Variants in SPECC1L observed in about 807,000 individuals in gnomAD.
The protein encoded by SPECC1L is cytospin-A.
In SPECC1L, 40 loss-of-function variants were observed where a neutral mutation model predicts 116.8. That is an observed-to-expected ratio of 0.34 (90% confidence interval 0.27 to 0.45). SPECC1L has a LOEUF of 0.45. Among genes scored for constraint, SPECC1L ranks in the 20% least tolerant of loss-of-function variants. The pLI is 1.00. For missense variants in SPECC1L, 1,110 were observed against 1,373.6 expected (o/e 0.81, Z 3.03); for synonymous variants, 504 against 500.6 (o/e 1.01, Z -0.09).
intron 2 of SPECC1L, among the ~76,000 whole-genome samples, chr22:24,281,890 G>A (rs999735016): frequency 1.3e-5 from 2 of 152,210 alleles, no homozygotes; most frequent in African/African-American, 4.8e-5. Flanking sequence ...TCATCAAGAC[G>A]GGAATTGTAA....
rs564772813 is a variant in SPECC1L at position 24,313,688 on chromosome 22, G to T, written c.307+222G>T. Among the ~76,000 whole-genome samples the T allele has an allele frequency of 1.3e-4, 20 of 151,456 alleles. No homozygotes were observed. In the South Asian group the frequency reaches 2.5e-3, roughly 19 times the overall value. On this transcript the variant is annotated intron_variant, in intron 4 of 16. Coordinates refer to ENST00000314328, the MANE Select transcript of SPECC1L (RefSeq NM_015330.6). The stretch of plus-strand genomic sequence containing the variant: ...TCTTATTATTTTGAAGCAGATTCTG[G>T]ACATCATATCATTTCATCCATAAAT...
intron 2 of SPECC1L, among the ~76,000 whole-genome samples, chr22:24,297,554 A>T (rs2049291981): frequency 6.6e-6 from 1 of 152,180 alleles, no homozygotes; most frequent in African/African-American, 2.4e-5. Flanking sequence ...TGATTGTGTC[A>T]TGCGCATCCT....
At position 24,384,909 on chromosome 22, in the gene SPECC1L, A is replaced by T. The variant is rs146702860; in HGVS notation, c.3087+15589A>T. 7.7e-3 allele frequency among the ~76,000 whole-genome samples: 1,164 copies of T among 152,040 alleles called. 14 individuals are homozygous for T. The highest frequency in any genetic ancestry group is 0.026 in the African/African-American group (1,081 of 41,482). On this transcript the variant is annotated intron_variant, in intron 14 of 16. Coordinates refer to ENST00000314328, the MANE Select transcript of SPECC1L (RefSeq NM_015330.6). ...GGCTAACATAGTGAAACCCCGTCTC[A>T]ACTAAAAATACAAAAAATTAGGTGG...
intron 4 of SPECC1L, among the ~76,000 whole-genome samples, chr22:24,317,343 C>T (rs1427004137): frequency 2.8e-5 from 3 of 105,340 alleles, no homozygotes; most frequent in African/African-American, 6.8e-5. Context: ...CCGGACGGGG[C>T]GGCTGGCCGG....
At chr22:24,334,722 G>T in intron 9 of SPECC1L, 149 bp downstream of exon 9, 1 of 880,672 alleles carries the variant, frequency 1.1e-6, no homozygotes, top group Non-Finnish European at 1.8e-6. Flanking sequence ...AACAGAAGGT[G>T]ATATTTAATA....
At chr22:24,338,133 G>A (rs992461016) in intron 9 of SPECC1L, among the ~76,000 whole-genome samples, 1 of 152,060 alleles carries the variant, frequency 6.6e-6, no homozygotes, top group Non-Finnish European at 1.5e-5. Flanking sequence ...TAACAAAAAC[G>A]AAATGACTGC....
intron 14 of SPECC1L, among the ~76,000 whole-genome samples, chr22:24,384,449 G>A (rs2042122492): frequency 6.6e-6 from 1 of 152,146 alleles, no homozygotes; most frequent in African/African-American, 2.4e-5. Flanking sequence ...AAATATATAT[G>A]AATATTGACT....
intron 2 of SPECC1L, among the ~76,000 whole-genome samples, chr22:24,291,217 C>G (rs1284520399): frequency 8.5e-5 from 13 of 152,150 alleles, no homozygotes; most frequent in Admixed American, 8.5e-4. Flanking sequence ...TAAGCAGTTC[C>G]TCTTAAATTG....
Position 24,350,166 on chromosome 22 carries a change from C to T in SPECC1L, c.2743+2990C>T, listed in dbSNP as rs1198388695. On this transcript the variant is annotated intron_variant, in intron 11 of 16. Coordinates refer to ENST00000314328, the MANE Select transcript of SPECC1L (RefSeq NM_015330.6). ...GGAACACTGCTGGATCGAACCTCCT[C>T]AGCAAGGCCCTAAGTACCATATTTA... Among the ~76,000 whole-genome samples, 4 of 152,260 alleles carry T rather than the reference C, an allele frequency of 2.6e-5. No homozygotes were observed. In the East Asian group the frequency reaches 7.7e-4, roughly 29 times the overall value.
At chr22:24,398,362 G>A (rs960461217) in intron 14 of SPECC1L, among the ~76,000 whole-genome samples, 11 of 152,156 alleles carry the variant, frequency 7.2e-5, no homozygotes, top group African/African-American at 2.4e-4. Flanking sequence ...AGTTAAAAAC[G>A]ATGTGCCCAC....
rs532136626 is a variant in SPECC1L, at chr22:24,319,856, T to G, written c.308-1432T>G. On this transcript the variant is annotated intron_variant, in intron 4 of 16. Transcript: ENST00000314328. ...ACCACCTAATGAACCAGCAGGGTCT[T>G]TAAAAATACTTATTGATTAGATGTG... 2.6e-5 allele frequency among the ~76,000 whole-genome samples: 4 copies of G among 152,372 alleles called. No individual in the cohort carries two copies. In the East Asian group the frequency reaches 7.7e-4, roughly 29 times the overall value.
At position 24,352,277 on chromosome 22, in the gene SPECC1L, A is replaced by G. The variant is rs141586177; in HGVS notation, c.2743+5101A>G. Among the ~76,000 whole-genome samples, 10 of 152,336 alleles carry G rather than the reference A, an allele frequency of 6.6e-5. No homozygotes were observed. In the East Asian group the frequency reaches 1.9e-3, roughly 29 times the overall value. The stretch of plus-strand genomic sequence containing the variant: ...AAGTACATGGATACAGGTAGTTGGA[A>G]AGTGCACAGTGACCAGATGAGCTCC... On this transcript the variant is annotated intron_variant, in intron 11 of 16. Transcript: ENST00000314328.
chr22:24,340,456 C>CT (rs1046024144), intron 10 of SPECC1L, among the ~76,000 whole-genome samples: 2 of 152,062 alleles, frequency 1.3e-5, no homozygotes, highest in South Asian at 4.1e-4. Context: ...TGATTTAATG[C>CT]TTTTTTTATG....
chr22:24,277,144 A>T (rs1036132334), intron 2 of SPECC1L, among the ~76,000 whole-genome samples: 1 of 152,072 alleles, frequency 6.6e-6, no homozygotes, highest in African/African-American at 2.4e-5. Flanking sequence ...TTTATGATTT[A>T]TGCTCATTTC....
chr22:24,310,023 T>TCC (rs1212391063), intron 3 of SPECC1L, among the ~76,000 whole-genome samples: 5 of 152,224 alleles, frequency 3.3e-5, no homozygotes, highest in Non-Finnish European at 5.9e-5. Context: ...GCAATTTAGT[T>TCC]TTTGTTTATT....
chr22:24,276,580 C>G (rs937193853), intron 1 of SPECC1L, 120 bp from the exon 2 acceptor site: 2 of 304,346 alleles, frequency 6.6e-6, no homozygotes, highest in African/African-American at 4.5e-5. Context: ...TCAGCTTGGG[C>G]AGCATTGCAA....
At chr22:24,394,708 C>A (rs1209642909) in intron 14 of SPECC1L, among the ~76,000 whole-genome samples, 1 of 152,192 alleles carries the variant, frequency 6.6e-6, no homozygotes, top group African/African-American at 2.4e-5. Context: ...TGTGGTCAGC[C>A]TCTAGACATT....
intron 3 of SPECC1L, among the ~76,000 whole-genome samples, chr22:24,306,806 A>G (rs1465952528): frequency 6.6e-6 from 1 of 152,118 alleles, no homozygotes; most frequent in Non-Finnish European, 1.5e-5. Context: ...TAATGACTCC[A>G]CATTCCCTCT....
Position 24,415,173 on chromosome 22 carries a change from C to G in SPECC1L, c.*550C>G, listed in dbSNP as rs560928169. 1.3e-4 allele frequency: 23 copies of G among 178,512 alleles called. No individual in the cohort carries two copies. In the South Asian group the frequency reaches 2.8e-3, roughly 22 times the overall value. 11.1% of individuals were successfully genotyped at this position (178,512 alleles called of 1,614,324 possible). On this transcript the variant is annotated 3_prime_UTR_variant, in exon 17 of 17. Transcript: ENST00000314328. ...ACAGACGTGGGTCAGCTGCCCCACA[C>G]CTGACGGGGCTGTCCCGGCCGACAC...
Sources: allele counts gnomAD v4.1 joint callset (sites outside exome capture counted in the v4.1 genomes callset), GRCh38; gene constraint gnomAD v4.1.1; transcripts MANE v1.5; gene names NCBI Gene and HGNC (gene_info 2026-07-23, HGNC 2026-07-21).